The following SPRED2 variants were observed in gnomAD, a reference collection of about 807,000 sequenced individuals.
SPRED2 encodes sprouty-related, EVH1 domain-containing protein 2.
A neutral mutation model predicts 43.0 loss-of-function variants in SPRED2; 47 were observed. The ratio of observed to expected loss-of-function variants is 1.09; its 90% CI spans 0.87 to 1.40. The LOEUF is 1.40. Ranked by LOEUF, SPRED2 falls within the 40% of genes most tolerant of loss-of-function variation. The pLI is 0.00. For synonymous variants in SPRED2, 225 were observed against 225.7 expected, an observed-to-expected ratio of 1.00 and a Z score of 0.03; for missense variants, 561 against 586.4, an observed-to-expected ratio of 0.96 and a Z score of 0.45.
chr2:65,366,674 A>C, intron 1 of SPRED2: 1 of 1,543,686 alleles, frequency 6.5e-7, no homozygotes. Flanking sequence ...TTCCGATAAA[A>C]ATGGATCGTC....
chr2:65,388,318 G>T (rs1471850547), intron 1 of SPRED2, among the ~76,000 whole-genome samples: 1 of 152,212 alleles, frequency 6.6e-6, no homozygotes, highest in Non-Finnish European at 1.5e-5. Flanking sequence ...CCTATTAGGG[G>T]CCGGGCCAAA....
At chr2:65,356,581 C>T (rs1674659306) in intron 1 of SPRED2, among the ~76,000 whole-genome samples, 1 of 124,998 alleles carries the variant, frequency 8.0e-6, no homozygotes, top group Non-Finnish European at 1.6e-5. Flanking sequence ...CTGCTATCTA[C>T]CACCTGCCCT....
chr2:65,377,600 G>A lies in SPRED2; in HGVS notation c.27-32704C>T, dbSNP rs113860209. ...TGAGGTGGTAGGTGTTACCTCAGAG[G>A]GCAGAAACTCACCCCCTCCTTTCCT... On this transcript the variant is annotated intron_variant, in intron 1 of 5. Coordinates refer to ENST00000356388, the MANE Select transcript of SPRED2 (RefSeq NM_181784.3). 8.2e-4 allele frequency: 386 copies of A among 471,190 alleles called. 3 individuals are homozygous for A. Among genetic ancestry groups the A allele is most frequent in the African/African-American group, 7.4e-3 (370 of 50,180 alleles). The allele number at this position is 471,190 out of a possible 1,614,324, so 29.2% of individuals were successfully genotyped here. A position where few individuals can be genotyped will look rare whatever the true frequency, so the allele number is the denominator to read the frequency against.
At chr2:65,423,023 A>T (rs1306644382) in intron 1 of SPRED2, among the ~76,000 whole-genome samples, 1 of 152,268 alleles carries the variant, frequency 6.6e-6, no homozygotes. Context: ...TAAAAGATCT[A>T]TAAAAATGAG....
chr2:65,378,384 T>C (rs1467896516), intron 1 of SPRED2, among the ~76,000 whole-genome samples: 2 of 152,214 alleles, frequency 1.3e-5, no homozygotes, highest in Non-Finnish European at 2.9e-5. Context: ...GAAGTATTTA[T>C]AGATGAAATT....
At position 65,376,822 on chromosome 2, in the gene SPRED2, C is replaced by T. The variant is rs527899665; in HGVS notation, c.27-31926G>A. 3.9e-5 allele frequency among the ~76,000 whole-genome samples: 6 copies of T among 152,262 alleles called. No individual in the cohort carries two copies. In the East Asian group the frequency reaches 1.2e-3, roughly 29 times the overall value. On this transcript the variant is annotated intron_variant, in intron 1 of 5. Coordinates refer to ENST00000356388, the MANE Select transcript of SPRED2 (RefSeq NM_181784.3). ...CTCTGCCTCCCGGGTTTACGCCATT[C>T]TCCTGCCTCAGCCTCCTGAGTAGCT... is the stretch of plus-strand genomic sequence containing the variant.
intron 1 of SPRED2, among the ~76,000 whole-genome samples, chr2:65,346,375 C>T (rs11680067): frequency 0.071 from 10,773 of 151,984 alleles, 484 homozygotes; most frequent in Middle Eastern, 0.15. Context: ...AAATTTCCCG[C>T]TTTAACCATT....
chr2:65,422,104 A>ACTCTCTCT (rs71398633), intron 1 of SPRED2, among the ~76,000 whole-genome samples: 1 of 128,938 alleles, frequency 7.8e-6, no homozygotes, highest in Admixed American at 7.7e-5. Context: ...ACACACACAC[A>ACTCTCTCT]CTCTCTCTCT....
chr2:65,327,771 T>C (rs1404495766), intron 4 of SPRED2, among the ~76,000 whole-genome samples: 1 of 128,564 alleles, frequency 7.8e-6, no homozygotes, highest in Non-Finnish European at 1.6e-5. Flanking sequence ...TCGCCCAGGC[T>C]GGAGTGCAAT....
At chr2:65,355,015 G>T (rs757309028) in intron 1 of SPRED2, among the ~76,000 whole-genome samples, 1 of 152,222 alleles carries the variant, frequency 6.6e-6, no homozygotes, top group Non-Finnish European at 1.5e-5. Context: ...TCAGGCCTGG[G>T]GGGACTGGCA....
chr2:65,348,390 C>G (rs1170405021), intron 1 of SPRED2, among the ~76,000 whole-genome samples: 1 of 152,166 alleles, frequency 6.6e-6, no homozygotes, highest in Non-Finnish European at 1.5e-5. Flanking sequence ...TCCACAGGAG[C>G]AGAAACTTTG....
intron 1 of SPRED2, among the ~76,000 whole-genome samples, chr2:65,365,407 A>G (rs1674944175): frequency 6.6e-6 from 1 of 152,270 alleles, no homozygotes; most frequent in African/African-American, 2.4e-5. Flanking sequence ...GTAGTTAAGT[A>G]AATTGAATGC....
chr2:65,345,857 G>A (rs1420056426), intron 1 of SPRED2, among the ~76,000 whole-genome samples: 2 of 152,060 alleles, frequency 1.3e-5, no homozygotes, highest in Admixed American at 6.5e-5. Context: ...TTCTCCCCCA[G>A]AGACCAATTC....
intron 1 of SPRED2, among the ~76,000 whole-genome samples, chr2:65,356,161 G>A (rs1358579872): frequency 1.3e-5 from 2 of 152,254 alleles, no homozygotes; most frequent in South Asian, 4.1e-4. Flanking sequence ...CAAAGGAAGG[G>A]AGTATGTAAT....
intron 2 of SPRED2, among the ~76,000 whole-genome samples, chr2:65,339,581 A>C (rs562404740): frequency 6.6e-5 from 10 of 151,394 alleles, no homozygotes; most frequent in South Asian, 2.1e-4. Flanking sequence ...CAGGGACACA[A>C]ACACTCTGCC....
intron 1 of SPRED2, among the ~76,000 whole-genome samples, chr2:65,426,402 A>T (rs923964128): frequency 8.5e-5 from 13 of 152,220 alleles, no homozygotes; most frequent in Non-Finnish European, 1.6e-4. Flanking sequence ...TATTTTATTC[A>T]ATAGACATTA....
In SPRED2 at chr2:65,312,223, A is replaced by C; in HGVS notation, c.*1278T>G. ...GCTGACCTAACCACCTGTGCACCCA[A>C]AGTGGCGAGTCTGGGTTTGGAGTTG... On this transcript the variant is annotated 3_prime_UTR_variant, in exon 6 of 6. Coordinates refer to ENST00000356388, the MANE Select transcript of SPRED2 (RefSeq NM_181784.3). The C allele has an allele frequency of 9.1e-6, 9 of 985,704 alleles. No homozygotes were observed. The highest frequency in any genetic ancestry group is 1.1e-5 in the Non-Finnish European group (9 of 829,930). 61.1% of individuals were successfully genotyped at this position (985,704 alleles called of 1,614,324 possible).
chr2:65,386,830 A>ACGTC (rs1375034577), intron 1 of SPRED2, among the ~76,000 whole-genome samples: 1 of 152,240 alleles, frequency 6.6e-6, no homozygotes, highest in East Asian at 1.9e-4. Context: ...ACAAACCTGC[A>ACGTC]CGTTGTGCAC....
chr2:65,357,432 C>T (rs761923964), intron 1 of SPRED2, among the ~76,000 whole-genome samples: 13 of 152,174 alleles, frequency 8.5e-5, no homozygotes, highest in East Asian at 1.9e-4. Context: ...TCCTCTCTCA[C>T]GTGGAAAAAT....
Sources: gnomAD v4.1 joint callset for allele counts (sites outside exome capture counted in the v4.1 genomes callset) on GRCh38, gnomAD v4.1.1 for gene constraint, MANE v1.5 for transcripts, NCBI Gene and HGNC (gene_info 2026-07-23, HGNC 2026-07-21) for gene names.